XIRP2: variants seen among roughly 807,000 people sequenced by gnomAD.
XIRP2 encodes xin actin-binding repeat-containing protein 2.
In XIRP2, 236 loss-of-function variants were observed where a neutral mutation model predicts 277.0. The observed-to-expected ratio is 0.85, with a 90% CI of 0.77 to 0.95. XIRP2 has a LOEUF of 0.95. Ranked by LOEUF, XIRP2 falls within the 40% of genes least tolerant of loss-of-function variation. The probability of loss-of-function intolerance (pLI) is 0.00; values close to 1 mark genes in which losing one functional copy is unlikely to be tolerated. For synonymous variants in XIRP2, 1,490 were observed against 1,416.5 expected, an observed-to-expected ratio of 1.05 and a Z score of -1.17; for missense variants, 4,640 against 4,157.5, an observed-to-expected ratio of 1.12 and a Z score of -3.19.
chr2:167,039,165 A>G (rs950142907), intron 2 of XIRP2, among the ~76,000 whole-genome samples: 16 of 152,148 alleles, frequency 1.1e-4, no homozygotes, highest in African/African-American at 3.9e-4. Flanking sequence ...TACTTGTCAT[A>G]AAATAAGGAC....
chr2:167,246,898 A>G lies in XIRP2; in HGVS notation c.5506A>G (p.Ile1836Val). Residue 1836 changes from isoleucine (I) to valine (V), a missense_variant, in exon 9 of 11, where the codon ATT becomes GTT. Physicochemically the swap from Ile to Val is conservative, Grantham distance 29 (BLOSUM62 3). Transcript: ENST00000409195. ...ATTTGGTAAGATACCCAAAGAAGAGATTATAAAAGGTGATTTGACATCAAC... is the reference window on the plus strand; with the variant it reads ...ATTTGGTAAGATACCCAAAGAAGAGGTTATAAAAGGTGATTTGACATCAAC... ...STFGKIPKEE[I>V]IKGDLTSTLN... 6.2e-7 allele frequency: 1 copy of G among 1,613,472 alleles called. No individual in the cohort carries two copies. The highest frequency in any genetic ancestry group is 8.5e-7 in the Non-Finnish European group (1 of 1,179,784).
At chr2:167,126,349 T>C (rs1691203502) in intron 2 of XIRP2, among the ~76,000 whole-genome samples, 1 of 152,032 alleles carries the variant, frequency 6.6e-6, no homozygotes, top group African/African-American at 2.4e-5. Context: ...ACTGGAAAGG[T>C]TGGTCAAGTG....
chr2:167,015,360 A>C lies in XIRP2; in HGVS notation c.408+111470A>C, dbSNP rs550044501. ...GTCAGCCTTTTCTTTGTATCATAAA[A>C]GTAATAGTTAATATCTACTAAGTAC... On this transcript the variant is annotated intron_variant, in intron 2 of 10. Transcript: ENST00000409195. Among the ~76,000 whole-genome samples the C allele has an allele frequency of 2.1e-3, 323 of 151,932 alleles. 1 individual carries two copies. The highest frequency in any genetic ancestry group is 3.3e-3 in the Non-Finnish European group (225 of 67,882).
At chr2:167,134,887 A>C (rs1691498066) in intron 2 of XIRP2, among the ~76,000 whole-genome samples, 1 of 152,158 alleles carries the variant, frequency 6.6e-6, no homozygotes, top group South Asian at 2.1e-4. Context: ...AGTATGGACA[A>C]ACAAACTGAT....
At chr2:166,932,674 A>T (rs1685377593) in intron 2 of XIRP2, among the ~76,000 whole-genome samples, 1 of 152,016 alleles carries the variant, frequency 6.6e-6, no homozygotes, top group Non-Finnish European at 1.5e-5. Flanking sequence ...ACTATTTTTC[A>T]CATTTAGTTC....
At chr2:167,113,116 T>G (rs966483113) in intron 2 of XIRP2, among the ~76,000 whole-genome samples, 3 of 152,180 alleles carry the variant, frequency 2.0e-5, no homozygotes, top group Non-Finnish European at 4.4e-5. Context: ...GTTGTTTTTA[T>G]GTGGAGAGTT....
At chr2:167,148,945 G>A (rs16853057) in intron 3 of XIRP2, among the ~76,000 whole-genome samples, 42,599 of 151,646 alleles carry the variant, frequency 0.28, 7,435 homozygotes, top group African/African-American at 0.5. Context: ...TGAAAAATCA[G>A]ATAGATGAAA....
intron 2 of XIRP2, among the ~76,000 whole-genome samples, chr2:167,047,202 C>T (rs1402288949): frequency 2.0e-5 from 3 of 151,492 alleles, no homozygotes; most frequent in African/African-American, 4.8e-5. Context: ...TAAAGTAATA[C>T]AACTAATTTA....
Position 167,080,062 on chromosome 2 carries a change from A to G in XIRP2, c.409-55847A>G, listed in dbSNP as rs138500628. On this transcript the variant is annotated intron_variant, in intron 2 of 10. Coordinates refer to ENST00000409195, the MANE Select transcript of XIRP2 (RefSeq NM_152381.6). The stretch of plus-strand genomic sequence containing the variant: ...AAATAAAACAGACTGTTGGTGTCCA[A>G]AAAAAAGAGGCCAGTTAGGAGACTA... 2.2e-3 allele frequency among the ~76,000 whole-genome samples: 332 copies of G among 152,150 alleles called. 1 individual carries two copies. The highest frequency in any genetic ancestry group is 7.5e-3 in the African/African-American group (312 of 41,536).
intron 2 of XIRP2, among the ~76,000 whole-genome samples, chr2:166,997,798 G>A (rs748397168): frequency 4.0e-5 from 6 of 151,874 alleles, no homozygotes; most frequent in African/African-American, 1.2e-4. Flanking sequence ...CCAGCTACTC[G>A]GGAGGCTGAA....
chr2:167,060,780 T>A (rs900211397), intron 2 of XIRP2, among the ~76,000 whole-genome samples: 1 of 152,194 alleles, frequency 6.6e-6, no homozygotes, highest in African/African-American at 2.4e-5. Flanking sequence ...GTTATGATAA[T>A]TCTTGAATTC....
chr2:166,903,841 T>C lies in XIRP2; in HGVS notation c.359T>C (p.Val120Ala). The part of the protein sequence containing the change: ...FSIALDELRS[V>A]FEAPKSGNKP... ...ATTGCCCTTGATGAGCTGAGGAGTG[T>C]GTTTGAGGCTCCTAAGAGTGGAAAC... The change falls in exon 2 of 11, where the codon GTG (valine) becomes GCG (alanine). Residue 120 changes from valine to alanine, a missense_variant. Coordinates refer to ENST00000409195, the MANE Select transcript of XIRP2 (RefSeq NM_152381.6). 1 of 1,613,602 alleles carries C rather than the reference T, an allele frequency of 6.2e-7. No individual in the cohort carries two copies. The highest frequency in any genetic ancestry group is 8.5e-7 in the Non-Finnish European group (1 of 1,179,710).
chr2:167,018,850 T>C (rs1003427660), intron 2 of XIRP2, among the ~76,000 whole-genome samples: 3 of 152,050 alleles, frequency 2.0e-5, no homozygotes, highest in Non-Finnish European at 2.9e-5. Flanking sequence ...TCAGTATCCG[T>C]AGAGCATGCA....
rs1217619307 is a variant in XIRP2 at position 167,053,915 on chromosome 2, T to A, written c.409-81994T>A. ...AGCTGAGTGAGAAGATGCAAAAAAA[T>A]TGTCACATTTTGAAGAGTTCCCTGA... On this transcript the variant is annotated intron_variant, in intron 2 of 10. Coordinates refer to ENST00000409195, the MANE Select transcript of XIRP2 (RefSeq NM_152381.6). 5.3e-5 allele frequency among the ~76,000 whole-genome samples: 8 copies of A among 152,284 alleles called. No homozygotes were observed. In the Middle Eastern group the frequency reaches 0.01, roughly 194 times the overall value.
intron 2 of XIRP2, among the ~76,000 whole-genome samples, chr2:166,965,665 C>T (rs1686411507): frequency 1.3e-5 from 2 of 151,884 alleles, no homozygotes; most frequent in South Asian, 2.1e-4. Flanking sequence ...CTCACTGCAG[C>T]CTTGACCATG....
At chr2:166,968,948 T>C (rs1262958701) in intron 2 of XIRP2, among the ~76,000 whole-genome samples, 1 of 151,890 alleles carries the variant, frequency 6.6e-6, no homozygotes, top group East Asian at 1.9e-4. Context: ...GGAGCTTAAA[T>C]AATAAATAAG....
intron 2 of XIRP2, among the ~76,000 whole-genome samples, chr2:166,968,724 C>T (rs1198091999): frequency 6.6e-6 from 1 of 151,882 alleles, no homozygotes; most frequent in Non-Finnish European, 1.5e-5. Context: ...AAATCATTAA[C>T]CTTTAAAGGT....
intron 2 of XIRP2, among the ~76,000 whole-genome samples, chr2:166,938,463 T>G (rs1685584230): frequency 6.6e-6 from 1 of 152,242 alleles, no homozygotes; most frequent in Non-Finnish European, 1.5e-5. Flanking sequence ...TGAGAGACAG[T>G]TGATTATAAT....
intron 2 of XIRP2, among the ~76,000 whole-genome samples, chr2:167,060,245 G>A (rs1689144751): frequency 6.6e-6 from 1 of 152,008 alleles, no homozygotes; most frequent in African/African-American, 2.4e-5. Flanking sequence ...TATGAAATAG[G>A]GTTACATGAG....
Sources: allele counts gnomAD v4.1 joint callset (sites outside exome capture counted in the v4.1 genomes callset), GRCh38; gene constraint gnomAD v4.1.1; transcripts MANE v1.5; gene names NCBI Gene and HGNC (gene_info 2026-07-23, HGNC 2026-07-21).